SENP7: variants seen among roughly 807,000 people sequenced by gnomAD.
SENP7 encodes the protein SUMO specific peptidase 7.
Under a neutral mutation model 141.2 loss-of-function variants are expected in SENP7, and 64 were observed. The ratio of observed to expected loss-of-function variants is 0.45; its 90% CI spans 0.37 to 0.56. The LOEUF (loss-of-function observed/expected upper bound fraction) is 0.56, where lower values mean the gene tolerates loss of function less well. SENP7 is among the 20% of genes least tolerant of loss of function. The pLI is 0.00. For synonymous variants in SENP7, 382 were observed against 426.4 expected (o/e 0.90, Z 1.28); for missense variants, 1,025 against 1,212.2 (o/e 0.85, Z 2.29).
chr3:101,365,572 T>G (rs1489952739), intron 9 of SENP7, among the ~76,000 whole-genome samples: 3 of 144,544 alleles, frequency 2.1e-5, no homozygotes, highest in Non-Finnish European at 4.5e-5. Context: ...GAGGGGGAGG[T>G]TGCAGTGAGC....
At chr3:101,394,127 T>C (rs2060894271) in intron 6 of SENP7, among the ~76,000 whole-genome samples, 1 of 152,148 alleles carries the variant, frequency 6.6e-6, no homozygotes, top group Non-Finnish European at 1.5e-5. Flanking sequence ...TCCCAGCCTC[T>C]AGTGTTTATA....
At chr3:101,456,045 T>G (rs1173397549) in intron 4 of SENP7, among the ~76,000 whole-genome samples, 2 of 152,194 alleles carry the variant, frequency 1.3e-5, no homozygotes, top group Non-Finnish European at 2.9e-5. Context: ...AGATACTTTT[T>G]TAAATTCCAC....
At chr3:101,409,916 A>ATG (rs2061406662) in intron 5 of SENP7, among the ~76,000 whole-genome samples, 1 of 152,212 alleles carries the variant, frequency 6.6e-6, no homozygotes, top group Non-Finnish European at 1.5e-5. Flanking sequence ...AAATGCAATA[A>ATG]AAACAAAGTT....
chr3:101,431,931 T>C (rs1030488826), intron 4 of SENP7, among the ~76,000 whole-genome samples: 2 of 152,208 alleles, frequency 1.3e-5, no homozygotes, highest in African/African-American at 4.8e-5. Context: ...GGGGATTTTG[T>C]CTTGCACCTT....
intron 4 of SENP7, 128 bp from the exon 5 acceptor site, chr3:101,417,918 G>GA (rs1350019520): frequency 3.1e-6 from 2 of 645,530 alleles, no homozygotes; most frequent in Non-Finnish European, 5.1e-6. Flanking sequence ...AATACCCTAA[G>GA]AAAAAAGAAA....
chr3:101,448,608 GC>G (rs2062990391), intron 4 of SENP7, among the ~76,000 whole-genome samples: 1 of 152,162 alleles, frequency 6.6e-6, no homozygotes, highest in Admixed American at 6.5e-5. Flanking sequence ...GTGTCAGTCT[GC>G]CCCTATTGTG....
chr3:101,494,481 CA>C (rs2065086819), intron 2 of SENP7, among the ~76,000 whole-genome samples: 1 of 152,034 alleles, frequency 6.6e-6, no homozygotes, highest in Non-Finnish European at 1.5e-5. Context: ...ACTCTTCCCA[CA>C]ATCTAGAATG....
chr3:101,504,459 CAA>C (rs869193349), intron 1 of SENP7, among the ~76,000 whole-genome samples: 2,027 of 121,766 alleles, frequency 0.017, 45 homozygotes, highest in African/African-American at 0.057. Flanking sequence ...AATTCCATCT[CAA>C]AAAAAAAAAA....
chr3:101,416,316 C>T (rs2061620276), intron 5 of SENP7, among the ~76,000 whole-genome samples: 1 of 152,124 alleles, frequency 6.6e-6, no homozygotes, highest in South Asian at 2.1e-4. Context: ...AGTGGTAAAA[C>T]TATTATTCTG....
At chr3:101,447,777 A>T (rs1398697301) in intron 4 of SENP7, among the ~76,000 whole-genome samples, 1 of 141,930 alleles carries the variant, frequency 7.0e-6, no homozygotes, top group African/African-American at 2.5e-5. Flanking sequence ...AACAGCTCCA[A>T]AAAATCTTGA....
At position 101,332,824 on chromosome 3, in the gene SENP7, G is replaced by C; in HGVS notation, c.2519C>G (p.Thr840Ser). 6.3e-7 allele frequency: 1 copy of C among 1,575,718 alleles called. No individual in the cohort carries two copies. Among genetic ancestry groups the C allele is most frequent in the Non-Finnish European group, 8.6e-7 (1 of 1,165,130 alleles). The change falls in exon 18 of 24, where the codon ACT (threonine) becomes AGT (serine). Residue 840 changes from threonine (T) to serine (S), a missense_variant. This residue lies in a region of SENP7 where 295 missense variants were observed against 459.1 expected (regional missense o/e 0.64). Coordinates refer to ENST00000394095, the MANE Select transcript of SENP7 (RefSeq NM_020654.5). ...TTTATTAAAAATGTTTATGTGACGA[G>C]TCCATGTTCTTACTCTTTTATGTCT... is the stretch of plus-strand genomic sequence containing the variant. ...QRRHKRVRTW[T>S]RHINIFNKDY...
chr3:101,330,285 T>C (rs777089350), intron 20 of SENP7, 49 bp downstream of exon 20: 8 of 1,341,742 alleles, frequency 6.0e-6, no homozygotes, highest in Non-Finnish European at 8.6e-6. Context: ...GATAACATTA[T>C]TATATTCATG....
chr3:101,353,287 AAT>A (rs2059657332), intron 11 of SENP7, among the ~76,000 whole-genome samples: 1 of 151,984 alleles, frequency 6.6e-6, no homozygotes, highest in African/African-American at 2.4e-5. Context: ...TGCCTTTCAG[AAT>A]TTGCACAGCC....
intron 6 of SENP7, among the ~76,000 whole-genome samples, chr3:101,379,484 C>A (rs1007601327): frequency 2.6e-4 from 40 of 151,960 alleles, no homozygotes; most frequent in Admixed American, 1.3e-4. Flanking sequence ...AGAAATCCTA[C>A]AACTTACAAA....
At chr3:101,469,141 T>A (rs953759039) in intron 3 of SENP7, among the ~76,000 whole-genome samples, 1 of 151,962 alleles carries the variant, frequency 6.6e-6, no homozygotes. Flanking sequence ...GGTAAAGGGA[T>A]CAATTCAACA....
intron 4 of SENP7, among the ~76,000 whole-genome samples, chr3:101,430,236 C>T (rs1422556106): frequency 3.9e-5 from 6 of 152,094 alleles, no homozygotes; most frequent in African/African-American, 1.2e-4. Context: ...CTTTTTCTAT[C>T]GATTGGAATA....
In SENP7 at chr3:101,489,141, TAC is replaced by T. The variant is rs149059643; in HGVS notation, c.186+4730_186+4731del. ...GAATTTGCTTCAACTACACCAGCCT[TAC>T]AAGAAAGAGGTCCTTAAGGGAGTAC... is the stretch of plus-strand genomic sequence containing the variant. On this transcript the variant is annotated intron_variant, in intron 3 of 23. Transcript: ENST00000394095. 9.8e-3 allele frequency among the ~76,000 whole-genome samples: 1,486 copies of T among 152,212 alleles called. 28 individuals carry two copies. Among genetic ancestry groups the T allele is most frequent in the African/African-American group, 0.034 (1,405 of 41,526 alleles).
intron 1 of SENP7, among the ~76,000 whole-genome samples, chr3:101,503,220 A>G (rs999476536): frequency 3.3e-5 from 5 of 152,238 alleles, no homozygotes; most frequent in African/African-American, 1.2e-4. Context: ...ACCATTAAAC[A>G]GCCTTTAGAA....
intron 23 of SENP7, among the ~76,000 whole-genome samples, chr3:101,327,086 T>C (rs2058921719): frequency 6.6e-6 from 1 of 152,132 alleles, no homozygotes; most frequent in Non-Finnish European, 1.5e-5. Flanking sequence ...TTTGGCTTTA[T>C]CTTCTCTAAC....
Sources: allele counts gnomAD v4.1 joint callset (sites outside exome capture counted in the v4.1 genomes callset), GRCh38; gene constraint gnomAD v4.1.1; regional missense constraint gnomAD v4.1.1; transcripts MANE v1.5; gene names NCBI Gene and HGNC (gene_info 2026-07-23, HGNC 2026-07-21).